The following STXBP4 variants were observed in gnomAD, a reference collection of about 807,000 sequenced individuals.
STXBP4 encodes syntaxin-binding protein 4.
Under a neutral mutation model 76.1 loss-of-function variants are expected in STXBP4, and 55 were observed. The observed-to-expected ratio is 0.72, with a 90% CI of 0.58 to 0.91. The LOEUF is 0.91. Among genes scored for constraint, STXBP4 ranks in the 40% least tolerant of loss-of-function variants. The pLI is 0.00. For missense variants in STXBP4, 618 were observed against 636.9 expected, an observed-to-expected ratio of 0.97 and a Z score of 0.32; for synonymous variants, 201 against 220.2, an observed-to-expected ratio of 0.91 and a Z score of 0.77.
intron 9 of STXBP4, among the ~76,000 whole-genome samples, chr17:55,033,263 A>G (rs1399720184): frequency 6.6e-6 from 1 of 152,110 alleles, no homozygotes; most frequent in African/African-American, 2.4e-5. Context: ...AATCCCAGCT[A>G]CTCAGGAGGC....
intron 12 of STXBP4, among the ~76,000 whole-genome samples, chr17:55,050,667 TTTTG>T (rs1011794502): frequency 2.6e-5 from 4 of 152,204 alleles, no homozygotes; most frequent in Non-Finnish European, 4.4e-5. Flanking sequence ...ATGGTATTCT[TTTTG>T]TTTGTTTGTT....
At chr17:55,193,000 C>G in the STXBP4 span, among the ~76,000 whole-genome samples, 1 of 152,172 alleles carries the variant, frequency 6.6e-6, no homozygotes, top group Non-Finnish European at 1.5e-5. Flanking sequence ...AACCACTGCA[C>G]AAGTGCACAA....
At chr17:55,151,023 G>T (rs2080210528) in intron 17 of STXBP4, among the ~76,000 whole-genome samples, 1 of 152,216 alleles carries the variant, frequency 6.6e-6, no homozygotes. Flanking sequence ...GATATGTTAT[G>T]TTGCTGGCTT....
chr17:55,003,475 C>T (rs1265939973), intron 7 of STXBP4, among the ~76,000 whole-genome samples: 2 of 152,088 alleles, frequency 1.3e-5, no homozygotes, highest in East Asian at 3.9e-4. Context: ...GGCAAAATCA[C>T]CTCTAAATTA....
the STXBP4 span, among the ~76,000 whole-genome samples, chr17:55,188,941 C>A: frequency 2.6e-5 from 4 of 152,084 alleles, no homozygotes; most frequent in African/African-American, 9.7e-5. Context: ...GTATTTCATT[C>A]TTTTTTTAGT....
chr17:55,031,408 C>T, intron 9 of STXBP4, 144 bp downstream of exon 9: 1 of 617,442 alleles, frequency 1.6e-6, no homozygotes, highest in Non-Finnish European at 2.7e-6. Context: ...TAATCAGTAC[C>T]CAAAGAACTC....
chr17:54,980,980 T>A (rs1183358249), intron 1 of STXBP4, among the ~76,000 whole-genome samples: 2 of 152,118 alleles, frequency 1.3e-5, no homozygotes, highest in Non-Finnish European at 2.9e-5. Flanking sequence ...AGCTCATTAG[T>A]CAATATTAGT....
chr17:54,978,931 G>T (rs1449278631), intron 1 of STXBP4, among the ~76,000 whole-genome samples: 1 of 151,998 alleles, frequency 6.6e-6, no homozygotes, highest in African/African-American at 2.4e-5. Flanking sequence ...TGATTACATA[G>T]TATTGTTTTA....
intron 16 of STXBP4, among the ~76,000 whole-genome samples, chr17:55,088,560 C>A (rs754728714): frequency 6.6e-6 from 1 of 152,106 alleles, no homozygotes; most frequent in Non-Finnish European, 1.5e-5. Context: ...CCACACCTGG[C>A]TAATTTTTGT....
At chr17:55,067,274 A>G (rs550005439) in intron 12 of STXBP4, among the ~76,000 whole-genome samples, 15 of 152,202 alleles carry the variant, frequency 9.9e-5, no homozygotes, top group Admixed American at 2.6e-4. Context: ...AGAGTACTAA[A>G]TATGTGATTA....
At chr17:55,002,728 A>C (rs1374047005) in intron 7 of STXBP4, among the ~76,000 whole-genome samples, 1 of 152,250 alleles carries the variant, frequency 6.6e-6, no homozygotes, top group South Asian at 2.1e-4. Context: ...CTCTGAATAC[A>C]GACTCAGTGT....
intron 16 of STXBP4, among the ~76,000 whole-genome samples, chr17:55,085,046 G>C (rs890743428): frequency 6.6e-6 from 1 of 152,108 alleles, no homozygotes; most frequent in African/African-American, 2.4e-5. Context: ...TGATGAGTTC[G>C]TGTCCTTTGT....
At chr17:55,199,680 G>A in the STXBP4 span, among the ~76,000 whole-genome samples, 1 of 152,108 alleles carries the variant, frequency 6.6e-6, no homozygotes, top group Non-Finnish European at 1.5e-5. Context: ...AAGGTACTCA[G>A]CAAAATAACT....
Position 55,110,677 on chromosome 17 carries a change from T to C in STXBP4, c.1489+29494T>C, listed in dbSNP as rs893805500. Among the ~76,000 whole-genome samples, 26 of 152,198 alleles carry C rather than the reference T, an allele frequency of 1.7e-4. 1 individual carries two copies. The highest frequency in any genetic ancestry group is 5.1e-4 in the African/African-American group (21 of 41,460). On this transcript the variant is annotated intron_variant, in intron 16 of 17. Coordinates refer to ENST00000376352, the MANE Select transcript of STXBP4 (RefSeq NM_178509.6). ...CTGTTGTAACTATTCAACTCTGCCA[T>C]TGTAGCATGAAAGCAGCCATAGATA... is the stretch of plus-strand genomic sequence containing the variant.
the STXBP4 span, among the ~76,000 whole-genome samples, chr17:55,183,343 T>C: frequency 3.9e-5 from 6 of 152,120 alleles, no homozygotes; most frequent in Non-Finnish European, 5.9e-5. Context: ...CCCAGCACTT[T>C]AGGAGGCTGA....
rs370429352 is a variant in STXBP4, at chr17:54,989,138, C to T, written c.48-1687C>T. ...TCTTTTTCTTTTTGAGACAGAGTCT[C>T]GCTCTGTTGCCCAGGCTGGAGTGCA... On this transcript the variant is annotated intron_variant, in intron 3 of 17. Transcript: ENST00000376352. 1.5e-3 allele frequency among the ~76,000 whole-genome samples: 228 copies of T among 152,280 alleles called. 7 individuals are homozygous for T. In the South Asian group the frequency reaches 0.045, roughly 30 times the overall value.
At chr17:55,111,333 C>A (rs1426778723) in intron 16 of STXBP4, among the ~76,000 whole-genome samples, 1 of 152,182 alleles carries the variant, frequency 6.6e-6, no homozygotes, top group East Asian at 1.9e-4. Context: ...CCCCTGCTGA[C>A]TATATACCAG....
chr17:55,032,415 T>C (rs1354110243), intron 9 of STXBP4, among the ~76,000 whole-genome samples: 1 of 152,104 alleles, frequency 6.6e-6, no homozygotes, highest in Non-Finnish European at 1.5e-5. Flanking sequence ...AGTAAATTTG[T>C]GAGCAGAGGC....
chr17:55,211,916 T>A, the STXBP4 span, among the ~76,000 whole-genome samples: 1 of 143,024 alleles, frequency 7.0e-6, no homozygotes, highest in Admixed American at 7.4e-5. Context: ...GTTCAAGCCA[T>A]TCTCCTGCCT....
Sources: gnomAD v4.1 joint callset for allele counts (sites outside exome capture counted in the v4.1 genomes callset) on GRCh38, gnomAD v4.1.1 for gene constraint, MANE v1.5 for transcripts, NCBI Gene and HGNC (gene_info 2026-07-23, HGNC 2026-07-21) for gene names.